DEPDC5: variants seen among roughly 807,000 people sequenced by gnomAD.
DEPDC5 encodes the protein DEP domain containing 5, GATOR1 subcomplex subunit, also known as GATOR1 complex protein DEPDC5.
A neutral mutation model predicts 217.3 loss-of-function variants in DEPDC5; 73 were observed. The observed-to-expected ratio is 0.34, with a 90% CI of 0.28 to 0.41. The LOEUF is 0.41. Ranked by LOEUF, DEPDC5 falls within the 10% of genes least tolerant of loss-of-function variation. The pLI, the probability that DEPDC5 is intolerant of heterozygous loss-of-function variation, is 1.00. For synonymous variants in DEPDC5, 733 were observed against 756.7 expected, an observed-to-expected ratio of 0.97 and a Z score of 0.51; for missense variants, 1,675 against 2,070.1, an observed-to-expected ratio of 0.81 and a Z score of 3.70.
At position 31,758,563 on chromosome 22, in the gene DEPDC5, A is replaced by G. The variant is rs761783252; in HGVS notation, c.76A>G (p.Asn26Asp). ...FGGSDDELVVNPKVFPHIKLG... is the reference protein window; with the variant it reads ...FGGSDDELVVDPKVFPHIKLG... ...TCTTTCAGATGATGAGCTAGTTGTG[A>G]ACCCCAAAGTGTTCCCTCACATCAA... Residue 26 changes from asparagine to aspartate, a missense_variant, in exon 3 of 43, where the codon AAC becomes GAC. This residue lies in a region of DEPDC5 where 628 missense variants were observed against 762.1 expected (regional missense o/e 0.82). Transcript: ENST00000651528. The G allele has an allele frequency of 6.2e-7, 1 of 1,614,156 alleles. No homozygotes were observed. The highest frequency in any genetic ancestry group is 8.5e-7 in the Non-Finnish European group (1 of 1,180,028).
chr22:31,766,367 G>T (rs146884090), intron 5 of DEPDC5, among the ~76,000 whole-genome samples: 2 of 152,302 alleles, frequency 1.3e-5, no homozygotes, highest in African/African-American at 4.8e-5. Flanking sequence ...CACTCAATGT[G>T]CTACAGCAGC....
intron 22 of DEPDC5, among the ~76,000 whole-genome samples, chr22:31,820,238 A>G (rs2089552019): frequency 6.6e-6 from 1 of 151,972 alleles, no homozygotes; most frequent in African/African-American, 2.4e-5. Context: ...CAGCCTCCCA[A>G]GTAGCTGGGA....
In DEPDC5 at chr22:31,779,691, C is replaced by G. The variant is rs200093741; in HGVS notation, c.483+1523C>G. On this transcript the variant is annotated intron_variant, in intron 8 of 42. Coordinates refer to ENST00000651528, the MANE Select transcript of DEPDC5 (RefSeq NM_001242896.3). ...TGAATAAAACCCTCCAAATCACCGG[C>G]TCTAATGGCCAAAGGTCAACTTTTC... is the stretch of plus-strand genomic sequence containing the variant. 3.3e-5 allele frequency among the ~76,000 whole-genome samples: 5 copies of G among 152,188 alleles called. No individual in the cohort carries two copies. The East Asian group carries it at 9.6e-4, about 29-fold the overall frequency.
intron 20 of DEPDC5, among the ~76,000 whole-genome samples, chr22:31,813,643 G>C (rs1251209129): frequency 2.0e-5 from 3 of 151,316 alleles, no homozygotes; most frequent in Non-Finnish European, 4.4e-5. Flanking sequence ...TGCTTTTAGA[G>C]GTTTTCCCCT....
Position 31,822,698 on chromosome 22 carries a change from G to A in DEPDC5, c.2012G>A (p.Ser671Asn), listed in dbSNP as rs2148829704. ...CTGGGCTCTGTTCTCTGCAGGCACA[G>A]CAATTCCCGCCAGCCTGGTGACGGC... ...LAYHEAAGRH[S>N]NSRQPGDGMS... The change falls in exon 24 of 43, where the codon AGC becomes AAC. Residue 671 changes from serine to asparagine, a missense_variant. Physicochemically the swap from Ser to Asn is conservative, Grantham distance 46. Around this residue, in one of 11 missense-constraint regions of DEPDC5, gnomAD observed 136 missense variants for 132.2 expected, o/e 1.03. Coordinates refer to ENST00000651528, the MANE Select transcript of DEPDC5 (RefSeq NM_001242896.3). 6.2e-7 allele frequency: 1 copy of A among 1,614,008 alleles called. No homozygotes were observed. The highest frequency in any genetic ancestry group is 1.1e-5 in the South Asian group (1 of 91,046).
intron 10 of DEPDC5, among the ~76,000 whole-genome samples, chr22:31,791,340 C>G (rs1179767489): frequency 6.6e-6 from 1 of 152,056 alleles, no homozygotes; most frequent in Non-Finnish European, 1.5e-5. Context: ...GCTGAGCCAC[C>G]TGGATTAAGA....
chr22:31,839,475 A>G (rs566008830), intron 27 of DEPDC5, among the ~76,000 whole-genome samples: 3 of 152,262 alleles, frequency 2.0e-5, no homozygotes, highest in East Asian at 1.9e-4. Context: ...GGAACAATCA[A>G]TGAGCTGTCT....
At chr22:31,810,413 CTGTT>C in intron 19 of DEPDC5, 104 bp from the exon 20 acceptor site, 3 of 1,523,382 alleles carry the variant, frequency 2.0e-6, no homozygotes, top group Admixed American at 2.0e-5. Context: ...CTGAAGGCCT[CTGTT>C]TGAAATGTAT....
rs146775940 is a variant in DEPDC5, at chr22:31,817,405, T to G, written c.1667-1617T>G. ...GATTACGGGCGTGAGCCACCTTGCC[T>G]GGCCAAAGTGACATCTTTCATATAC... On this transcript the variant is annotated intron_variant, in intron 21 of 42. Coordinates refer to ENST00000651528, the MANE Select transcript of DEPDC5 (RefSeq NM_001242896.3). The G allele has an allele frequency of 1.5e-3, 674 of 438,928 alleles. 3 individuals are homozygous for G. Among genetic ancestry groups the G allele is most frequent in the African/African-American group, 0.012 (608 of 48,698 alleles). The allele number at this position is 438,928 out of a possible 1,614,324, so 27.2% of individuals were successfully genotyped here.
intron 24 of DEPDC5, among the ~76,000 whole-genome samples, chr22:31,827,617 A>C (rs1015735385): frequency 1.3e-5 from 2 of 152,208 alleles, no homozygotes; most frequent in African/African-American, 4.8e-5. Flanking sequence ...TTCCCAGCTC[A>C]CTTGGAGTAA....
chr22:31,788,617 AGGCTGGAGTACAAT>A (rs1380478300), intron 10 of DEPDC5, among the ~76,000 whole-genome samples: 1 of 150,618 alleles, frequency 6.6e-6, no homozygotes, highest in African/African-American at 2.4e-5. Flanking sequence ...CTTGTTGCCC[AGGCTGGAGTACAAT>A]GGTGTGATCT....
At chr22:31,866,468 C>T (rs1306037472) in intron 33 of DEPDC5, among the ~76,000 whole-genome samples, 1 of 152,146 alleles carries the variant, frequency 6.6e-6, no homozygotes, top group Non-Finnish European at 1.5e-5. Context: ...TCACTGCAAC[C>T]TCCGCCTCCC....
chr22:31,858,324 C>G (rs2092381797), intron 32 of DEPDC5: 1 of 150,790 alleles, frequency 6.6e-6, no homozygotes, highest in Non-Finnish European at 1.5e-5. Context: ...GACTTTAGGC[C>G]TCTATCAGGA....
At chr22:31,874,951 C>T (rs1209527910) in intron 36 of DEPDC5, among the ~76,000 whole-genome samples, 1 of 152,172 alleles carries the variant, frequency 6.6e-6, no homozygotes, top group Non-Finnish European at 1.5e-5. Context: ...ACCTGGTAGG[C>T]ACTTAGCACC....
At chr22:31,771,581 G>A (rs2083356347) in intron 7 of DEPDC5, among the ~76,000 whole-genome samples, 1 of 151,944 alleles carries the variant, frequency 6.6e-6, no homozygotes, top group South Asian at 2.1e-4. Flanking sequence ...TCAGCTGGGT[G>A]TGGTGGCCTG....
rs1168103303 is a variant in DEPDC5, at chr22:31,760,646, T to G, written c.147-10T>G. ...CGGTATCCCAACTCTCTTGTTGCTT[T>G]CTTTTTCAGCCCTCTGCTTTTGCAG... On this transcript the variant is annotated splice_polypyrimidine_tract_variant and intron_variant, in intron 3 of 42. Coordinates refer to ENST00000651528, the MANE Select transcript of DEPDC5 (RefSeq NM_001242896.3). The G allele has an allele frequency of 2.5e-6, 4 of 1,612,486 alleles. No homozygotes were observed. The highest frequency in any genetic ancestry group is 3.4e-6 in the Non-Finnish European group (4 of 1,179,504).
At position 31,893,933 on chromosome 22, in the gene DEPDC5, A is replaced by G. The variant is rs5994446; in HGVS notation, c.4203+182A>G. On this transcript the variant is annotated intron_variant, in intron 39 of 42. Coordinates refer to ENST00000651528, the MANE Select transcript of DEPDC5 (RefSeq NM_001242896.3). ...AGTAAAAATTTTAAGCAATCAAAAA[A>G]GGTAGAATCAGGGTTTCTTAGCCTT... The G allele has an allele frequency of 0.18, 118,759 of 667,598 alleles. 11,209 individuals carry two copies. The highest frequency in any genetic ancestry group is 0.26 in the African/African-American group (13,576 of 52,724). 41.4% of individuals were successfully genotyped at this position (667,598 alleles called of 1,614,324 possible).
chr22:31,886,047 A>AG (rs1328219769), intron 38 of DEPDC5, among the ~76,000 whole-genome samples: 1 of 151,884 alleles, frequency 6.6e-6, no homozygotes, highest in African/African-American at 2.4e-5. Flanking sequence ...AAAAAAAAAA[A>AG]AGACAAGGTC....
intron 8 of DEPDC5, among the ~76,000 whole-genome samples, chr22:31,781,235 A>C (rs77293902): frequency 7.3e-6 from 1 of 136,682 alleles, no homozygotes; most frequent in Non-Finnish European, 1.6e-5. Flanking sequence ...ACAAACAAAC[A>C]AAAAAAAAAA....
Sources: gnomAD v4.1 joint callset for allele counts (sites outside exome capture counted in the v4.1 genomes callset) on GRCh38, gnomAD v4.1.1 for gene constraint, gnomAD v4.1.1 regional missense constraint, MANE v1.5 for transcripts, NCBI Gene and HGNC (gene_info 2026-07-23, HGNC 2026-07-21) for gene names.